SLC4A4: variants seen among roughly 807,000 people sequenced by gnomAD.
SLC4A4 encodes solute carrier family 4 member 4.
A neutral mutation model predicts 111.5 loss-of-function variants in SLC4A4; 27 were observed. The ratio of observed to expected loss-of-function variants is 0.24; its 90% CI spans 0.18 to 0.33. The LOEUF (loss-of-function observed/expected upper bound fraction) is 0.33, where lower values mean the gene tolerates loss of function less well. Ranked by LOEUF, SLC4A4 falls within the 10% of genes least tolerant of loss-of-function variation. The pLI is 1.00. For missense variants in SLC4A4, 909 were observed against 1,315.5 expected, an observed-to-expected ratio of 0.69 and a Z score of 4.78; for synonymous variants, 443 against 463.4, an observed-to-expected ratio of 0.96 and a Z score of 0.57.
intron 18 of SLC4A4, among the ~76,000 whole-genome samples, chr4:71,542,885 G>A (rs996829130): frequency 2.0e-5 from 3 of 152,096 alleles, no homozygotes; most frequent in South Asian, 2.1e-4. Flanking sequence ...TTGAATGAGC[G>A]AATTAGCATT....
At chr4:71,083,594 C>G (rs2148935733) in intron 1 of SLC4A4, among the ~76,000 whole-genome samples, 1 of 152,064 alleles carries the variant, frequency 6.6e-6, no homozygotes, top group South Asian at 2.1e-4. Context: ...AGGACAAGAA[C>G]AGACTCCAAA....
intron 3 of SLC4A4, among the ~76,000 whole-genome samples, chr4:71,264,368 C>A (rs139411709): frequency 4.7e-4 from 71 of 152,154 alleles, no homozygotes; most frequent in African/African-American, 1.7e-3. Flanking sequence ...TATCTTTTGT[C>A]ATTTATCAAA....
At chr4:71,169,983 T>A (rs1744891146) in intron 2 of SLC4A4, among the ~76,000 whole-genome samples, 1 of 152,200 alleles carries the variant, frequency 6.6e-6, no homozygotes, top group South Asian at 2.1e-4. Context: ...TGCTCTACCG[T>A]CACCGATCTC....
intron 1 of SLC4A4, among the ~76,000 whole-genome samples, chr4:71,086,939 T>C (rs1285621220): frequency 2.0e-5 from 3 of 152,064 alleles, no homozygotes. Context: ...TAGGGAGGAT[T>C]CCCTCTTTTT....
intron 1 of SLC4A4, among the ~76,000 whole-genome samples, chr4:71,195,614 T>G (rs958086189): frequency 1.3e-5 from 2 of 152,240 alleles, no homozygotes; most frequent in African/African-American, 2.4e-5. Context: ...CTGAGTGATT[T>G]CATTCCTTTG....
At chr4:71,259,638 A>T (rs1721703129) in intron 3 of SLC4A4, among the ~76,000 whole-genome samples, 1 of 149,416 alleles carries the variant, frequency 6.7e-6, no homozygotes, top group South Asian at 2.1e-4. Flanking sequence ...TCCACTGTGC[A>T]TTTTTTTTTT....
intron 6 of SLC4A4, among the ~76,000 whole-genome samples, chr4:71,365,996 T>C (rs1386058913): frequency 6.6e-6 from 1 of 152,174 alleles, no homozygotes; most frequent in East Asian, 1.9e-4. Context: ...TATGTAATAA[T>C]GTGATGGTGA....
chr4:71,360,721 AACTAAAGT>A (rs1730698851), intron 6 of SLC4A4, among the ~76,000 whole-genome samples: 1 of 152,206 alleles, frequency 6.6e-6, no homozygotes, highest in Admixed American at 6.5e-5. Flanking sequence ...GGCCAAGATC[AACTAAAGT>A]ATTGTATGAG....
At chr4:71,338,504 T>TTCTC (rs900770942) in intron 3 of SLC4A4, among the ~76,000 whole-genome samples, 1 of 151,826 alleles carries the variant, frequency 6.6e-6, no homozygotes, top group Non-Finnish European at 1.5e-5. Context: ...CTGCTTTTCT[T>TTCTC]TCTCTCTCTC....
intron 2 of SLC4A4, among the ~76,000 whole-genome samples, chr4:71,180,853 A>G (rs921236908): frequency 1.3e-5 from 2 of 152,106 alleles, no homozygotes; most frequent in African/African-American, 4.8e-5. Context: ...TGACCCAGCA[A>G]TCCCATTACT....
chr4:71,571,386 G>A lies in SLC4A4; in HGVS notation c.*3635G>A, dbSNP rs1737927394. On this transcript the variant is annotated 3_prime_UTR_variant, in exon 26 of 26. Transcript: ENST00000264485. The stretch of plus-strand genomic sequence containing the variant: ...GAAGCCCAGTGGCACCAAATGGCTG[G>A]GTACAATCAAGTGATATTTTGTAGC... 1 of 152,006 alleles carries A rather than the reference G, an allele frequency of 6.6e-6. No individual in the cohort carries two copies. The highest frequency in any genetic ancestry group is 1.5e-5 in the Non-Finnish European group (1 of 67,854). The allele number at this position is 152,006 out of a possible 1,614,324, so 9.4% of individuals were successfully genotyped here. A position where few individuals can be genotyped will look rare whatever the true frequency, so the allele number is the denominator to read the frequency against.
At chr4:71,339,612 A>C in intron 4 of SLC4A4, 107 bp downstream of exon 4, 2 of 1,018,464 alleles carry the variant, frequency 2.0e-6, no homozygotes, top group South Asian at 1.3e-5. Context: ...TGAATGGCCA[A>C]TGGGCATGAT....
intron 7 of SLC4A4, among the ~76,000 whole-genome samples, chr4:71,422,057 T>C (rs1187115058): frequency 1.3e-5 from 2 of 150,584 alleles, no homozygotes; most frequent in African/African-American, 4.9e-5. Context: ...AGCTGGTTTT[T>C]TGAAAGGATC....
intron 7 of SLC4A4, among the ~76,000 whole-genome samples, chr4:71,405,002 C>CAT (rs1720717022): frequency 6.6e-6 from 1 of 151,278 alleles, no homozygotes; most frequent in African/African-American, 2.4e-5. Flanking sequence ...TTTTTTGAGA[C>CAT]ATGCAGTTTT....
intron 7 of SLC4A4, among the ~76,000 whole-genome samples, chr4:71,431,549 G>T (rs923804788): frequency 6.6e-6 from 1 of 152,168 alleles, no homozygotes; most frequent in South Asian, 2.1e-4. Context: ...TTTAAAATCC[G>T]AATTTTTGTG....
rs530317925 is a variant in SLC4A4, at chr4:71,348,984, C to A, written c.390-928C>A. ...CTCAGAAGGTTTAAAGTGAAAGAAG[C>A]CTTTTTGTTAGTATCATGATGAATA... On this transcript the variant is annotated intron_variant, in intron 4 of 25. Coordinates refer to ENST00000264485, the MANE Select transcript of SLC4A4 (RefSeq NM_001098484.3). Among the ~76,000 whole-genome samples, 9 of 152,234 alleles carry A rather than the reference C, an allele frequency of 5.9e-5. No homozygotes were observed. The South Asian group carries it at 1.5e-3, about 25-fold the overall frequency.
chr4:71,103,464 A>G (rs1453549751), intron 2 of SLC4A4, among the ~76,000 whole-genome samples: 3 of 152,322 alleles, frequency 2.0e-5, no homozygotes, highest in Admixed American at 6.5e-5. Context: ...TCAGCAGAAT[A>G]TACATTTTTT....
chr4:71,379,242 T>C (rs182833377), intron 6 of SLC4A4, among the ~76,000 whole-genome samples: 3 of 152,346 alleles, frequency 2.0e-5, no homozygotes, highest in East Asian at 1.9e-4. Context: ...CTAATACTTA[T>C]AATGTCAAGC....
intron 2 of SLC4A4, among the ~76,000 whole-genome samples, chr4:71,117,757 C>T (rs1257868810): frequency 6.6e-6 from 1 of 152,186 alleles, no homozygotes; most frequent in Non-Finnish European, 1.5e-5. Context: ...CTCCCTCTCT[C>T]TCTACATATA....
Sources: allele counts gnomAD v4.1 joint callset (sites outside exome capture counted in the v4.1 genomes callset), GRCh38; gene constraint gnomAD v4.1.1; transcripts MANE v1.5; gene names NCBI Gene and HGNC (gene_info 2026-07-23, HGNC 2026-07-21).